Variants in ZNF451 observed in about 807,000 individuals in gnomAD.
The protein encoded by ZNF451 is zinc finger protein 451.
A neutral mutation model predicts 107.1 loss-of-function variants in ZNF451; 80 were observed. The ratio of observed to expected loss-of-function variants is 0.75; its 90% CI spans 0.62 to 0.90. ZNF451 has a LOEUF of 0.90. Ranked by LOEUF, ZNF451 falls within the 40% of genes least tolerant of loss-of-function variation. The probability of loss-of-function intolerance (pLI) is 0.00; values close to 1 mark genes in which losing one functional copy is unlikely to be tolerated. For synonymous variants in ZNF451, 362 were observed against 406.5 expected (o/e 0.89, Z 1.32); for missense variants, 1,107 against 1,236.2 (o/e 0.90, Z 1.57).
At chr6:57,136,085 A>C (rs1191869974) in intron 7 of ZNF451, among the ~76,000 whole-genome samples, 1 of 152,170 alleles carries the variant, frequency 6.6e-6, no homozygotes, top group East Asian at 1.9e-4. Flanking sequence ...ATCTTGAAGC[A>C]GATTTTATTT....
At chr6:57,104,952 G>A (rs2127943584) in intron 3 of ZNF451, 2 of 985,044 alleles carry the variant, frequency 2.0e-6, no homozygotes, top group South Asian at 9.4e-5. Flanking sequence ...AGAGTTTTTA[G>A]TAATAGATTA....
chr6:57,103,682 T>C, intron 3 of ZNF451: 1 of 985,006 alleles, frequency 1.0e-6, no homozygotes, highest in South Asian at 4.7e-5. Flanking sequence ...CTGTAACTTC[T>C]GCGTTTTTTC....
rs192633113 is a variant in ZNF451 at position 57,168,520 on chromosome 6, C to T, written c.*51C>T. ...AGTGGCCTTGAAGAGACTGAGATAA[C>T]GAATTCTTGAGTTTGTTTTCTAAAG... On this transcript the variant is annotated 3_prime_UTR_variant, in exon 15 of 15. Coordinates refer to ENST00000370706, the MANE Select transcript of ZNF451 (RefSeq NM_001031623.3). 2.8e-3 allele frequency: 4,075 copies of T among 1,432,590 alleles called. 4 individuals are homozygous for T. The highest frequency in any genetic ancestry group is 3.5e-3 in the Non-Finnish European group (3,623 of 1,028,316). 88.7% of individuals were successfully genotyped at this position (1,432,590 alleles called of 1,614,324 possible).
At chr6:57,152,042 T>C (rs1832375722) in intron 11 of ZNF451, 179 bp from the exon 12 acceptor site, 2 of 517,396 alleles carry the variant, frequency 3.9e-6, no homozygotes, top group Non-Finnish European at 6.6e-6. Flanking sequence ...TGGTCCACTT[T>C]CTCAAGACTT....
chr6:57,132,127 A>G (rs1593131706), intron 5 of ZNF451, among the ~76,000 whole-genome samples: 1 of 152,240 alleles, frequency 6.6e-6, no homozygotes, highest in African/African-American at 2.4e-5. Flanking sequence ...GAAGGGACAA[A>G]ATAGGATAAG....
At chr6:57,094,220 G>A (rs1212911678) in intron 2 of ZNF451, among the ~76,000 whole-genome samples, 1 of 152,176 alleles carries the variant, frequency 6.6e-6, no homozygotes, top group Non-Finnish European at 1.5e-5. Flanking sequence ...TTCCTAAACT[G>A]TTTTGCCATG....
At chr6:57,118,744 A>G (rs893267555) in intron 3 of ZNF451, among the ~76,000 whole-genome samples, 1 of 152,160 alleles carries the variant, frequency 6.6e-6, no homozygotes, top group African/African-American at 2.4e-5. Flanking sequence ...TCAGCTCCCA[A>G]AGTGCTGGGA....
At chr6:57,159,349 C>CTT in intron 13 of ZNF451, 1 of 985,360 alleles carries the variant, frequency 1.0e-6, no homozygotes, top group Non-Finnish European at 1.2e-6. Context: ...TAACATGCTG[C>CTT]TTTTGACTGA....
At chr6:57,096,699 A>T (rs1404815113) in intron 2 of ZNF451, among the ~76,000 whole-genome samples, 3 of 147,996 alleles carry the variant, frequency 2.0e-5, no homozygotes, top group South Asian at 4.4e-4. Flanking sequence ...GCAAAGTAAG[A>T]TGATTATATC....
intron 3 of ZNF451, 104 bp from the exon 4 acceptor site, chr6:57,124,630 C>A: frequency 1.2e-6 from 1 of 854,392 alleles, no homozygotes; most frequent in Non-Finnish European, 1.9e-6. Context: ...GTTCTTATAA[C>A]TCAAGTAAAT....
chr6:57,166,185 G>A (rs539515829), intron 14 of ZNF451, among the ~76,000 whole-genome samples: 2 of 152,122 alleles, frequency 1.3e-5, no homozygotes, highest in South Asian at 2.1e-4. Context: ...GTGCCACCAC[G>A]CCCGCCTAAT....
chr6:57,105,520 G>T, intron 3 of ZNF451: 4 of 985,312 alleles, frequency 4.1e-6, no homozygotes, highest in Non-Finnish European at 4.8e-6. Flanking sequence ...CTATCTAAAT[G>T]TACTCCCTTC....
rs1829985151 is a variant in ZNF451, at chr6:57,108,747, A to T, written c.186+9606A>T. On this transcript the variant is annotated intron_variant, in intron 3 of 14. Transcript: ENST00000370706. ...TTTAATTGTCATCTTCCTGCCTGGG[A>T]AGGCAGTAGAAGAAAGAATCTACAT... 3 of 985,242 alleles carry T rather than the reference A, an allele frequency of 3.0e-6. No individual in the cohort carries two copies. The South Asian group carries it at 1.4e-4, about 46-fold the overall frequency. The allele number at this position is 985,242 out of a possible 1,614,324, so 61.0% of individuals were successfully genotyped here.
chr6:57,129,463 C>T (rs1215253108), intron 5 of ZNF451, among the ~76,000 whole-genome samples: 1 of 152,098 alleles, frequency 6.6e-6, no homozygotes, highest in Admixed American at 6.6e-5. Context: ...TCTACTGAGC[C>T]TTTAAAGAGT....
chr6:57,147,430 A>G lies in ZNF451; in HGVS notation c.1345A>G (p.Met449Val), dbSNP rs773986622. Reference sequence around the variant, plus strand: ...GTGCATTGCCATTCCAAAAAAGAAGATGAATTTAAAAGATAAAAGCCATGA... The same window carrying G: ...GTGCATTGCCATTCCAAAAAAGAAGGTGAATTTAAAAGATAAAAGCCATGA... ...LECIAIPKKK[M>V]NLKDKSHEGV... The change falls in exon 10 of 15, where the codon ATG becomes GTG. Residue 449 changes from methionine (M) to valine (V), a missense_variant. Physicochemically the swap from Met to Val is conservative, Grantham distance 21 (BLOSUM62 1). Transcript: ENST00000370706. 2 of 1,614,042 alleles carry G rather than the reference A, an allele frequency of 1.2e-6. No individual in the cohort carries two copies. The highest frequency in any genetic ancestry group is 1.7e-6 in the Non-Finnish European group (2 of 1,179,966).
At position 57,169,200 on chromosome 6, in the gene ZNF451, A is replaced by G. The variant is rs1367819254; in HGVS notation, c.*731A>G. The G allele has an allele frequency of 6.6e-6, 1 of 152,156 alleles. No individual in the cohort carries two copies. Among genetic ancestry groups the G allele is most frequent in the Non-Finnish European group, 1.5e-5 (1 of 67,998 alleles). The allele number at this position is 152,156 out of a possible 1,614,324, so 9.4% of individuals were successfully genotyped here. A position where few individuals can be genotyped will look rare whatever the true frequency, so the allele number is the denominator to read the frequency against. ...TGGTTAAAGGGAATGGTGTCAGAAT[A>G]TTTGCATAAAATTATTTTTCATAAC... On this transcript the variant is annotated 3_prime_UTR_variant, in exon 15 of 15. Coordinates refer to ENST00000370706, the MANE Select transcript of ZNF451 (RefSeq NM_001031623.3).
At chr6:57,151,987 A>G (rs1231435586) in intron 11 of ZNF451, 3 of 405,236 alleles carry the variant, frequency 7.4e-6, no homozygotes, top group Non-Finnish European at 1.3e-5. Context: ...GATTTTGCCT[A>G]ATATCCATGT....
intron 9 of ZNF451, among the ~76,000 whole-genome samples, chr6:57,146,532 C>A (rs942181778): frequency 2.6e-5 from 4 of 152,070 alleles, no homozygotes; most frequent in African/African-American, 9.7e-5. Context: ...TGTCCTTTCC[C>A]CAGTGTCTAT....
At chr6:57,104,195 G>A (rs1243410454) in intron 3 of ZNF451, 4 of 985,056 alleles carry the variant, frequency 4.1e-6, no homozygotes, top group African/African-American at 3.5e-5. Flanking sequence ...GAAGAATATC[G>A]ATTACCTGAA....
Sources: gnomAD v4.1 joint callset for allele counts (sites outside exome capture counted in the v4.1 genomes callset) on GRCh38, gnomAD v4.1.1 for gene constraint, MANE v1.5 for transcripts, NCBI Gene and HGNC (gene_info 2026-07-23, HGNC 2026-07-21) for gene names.